LARS2: variants seen among roughly 807,000 people sequenced by gnomAD.
LARS2 encodes the protein leucyl-tRNA synthetase 2, mitochondrial, also known as leucine--tRNA ligase, mitochondrial.
Under a neutral mutation model 116.6 loss-of-function variants are expected in LARS2, and 81 were observed. The observed-to-expected ratio is 0.69, with a 90% CI of 0.58 to 0.84. LARS2 has a LOEUF of 0.84. LARS2 is among the 40% of genes least tolerant of loss of function. The probability of loss-of-function intolerance (pLI) is 0.00; values close to 1 mark genes in which losing one functional copy is unlikely to be tolerated. For synonymous variants in LARS2, 396 were observed against 407.2 expected (o/e 0.97, Z 0.33); for missense variants, 968 against 1,114.5 (o/e 0.87, Z 1.87).
chr3:45,405,531 CAGTGACA>C (rs1698220930), intron 4 of LARS2, among the ~76,000 whole-genome samples: 1 of 152,166 alleles, frequency 6.6e-6, no homozygotes. Context: ...TCACATATCT[CAGTGACA>C]AAATCCTTGG....
intron 10 of LARS2, among the ~76,000 whole-genome samples, chr3:45,484,614 A>AT (rs1326371523): frequency 7.1e-5 from 1 of 14,010 alleles, no homozygotes; most frequent in Non-Finnish European, 2.6e-4. Flanking sequence ...AAAAAAAAAA[A>AT]AAAAAAAAAA....
rs367683670 is a variant in LARS2, at chr3:45,521,776, T to G, written c.2292+1480T>G. Among the ~76,000 whole-genome samples, 7 of 152,268 alleles carry G rather than the reference T, an allele frequency of 4.6e-5. No homozygotes were observed. The South Asian group carries it at 1.0e-3, about 23-fold the overall frequency. ...TGCTTTTGTTTTTGTTTTTGTTTTT[T>G]TTTAAATACCTGTCAAATTTGCTGA... is the stretch of plus-strand genomic sequence containing the variant. On this transcript the variant is annotated intron_variant, in intron 19 of 21. Transcript: ENST00000645846.
rs79327537 is a variant in LARS2 at position 45,480,129 on chromosome 3, A to G, written c.1018+3502A>G. ...TGGGGTAATGGTTTGGTTTTCCATC[A>G]AACTGTTTCAAGTAGAATTCTTTGA... On this transcript the variant is annotated intron_variant, in intron 10 of 21. Transcript: ENST00000645846. 6.4e-3 allele frequency among the ~76,000 whole-genome samples: 980 copies of G among 152,356 alleles called. 8 individuals are homozygous for G. Among genetic ancestry groups the G allele is most frequent in the African/African-American group, 0.022 (931 of 41,576 alleles).
intron 20 of LARS2, among the ~76,000 whole-genome samples, chr3:45,541,249 C>T (rs544193555): frequency 4.6e-5 from 7 of 152,174 alleles, no homozygotes; most frequent in African/African-American, 7.2e-5. Flanking sequence ...AGTGTTTCCT[C>T]GTGTTTGGCC....
In LARS2 at chr3:45,394,555, C is replaced by T. The variant is rs1020076031; in HGVS notation, c.102C>T (p.Pro34=). ...DVIKWERRVI[P]GCTRSIYSAT... is the part of the protein sequence containing the mutation. ...TCAAGTGGGAAAGGAGAGTAATTCC[C>T]GGATGTACCAGAAGCATCTACAGTG... Residue 34 remains proline, a synonymous_variant, in exon 3 of 22, where the codon CCC becomes CCT. Transcript: ENST00000645846. 2.2e-5 allele frequency: 35 copies of T among 1,613,856 alleles called. No homozygotes were observed. The highest frequency in any genetic ancestry group is 1.6e-4 in the Middle Eastern group (1 of 6,082).
chr3:45,450,807 C>T (rs10865938), intron 7 of LARS2, among the ~76,000 whole-genome samples: 133,375 of 152,228 alleles, frequency 0.88, 60,947 homozygotes, highest in East Asian at 1. Context: ...CTGTTTTTCA[C>T]ACAGTGTATG....
At chr3:45,496,817 C>G (rs1449999585) in intron 14 of LARS2, among the ~76,000 whole-genome samples, 1 of 152,218 alleles carries the variant, frequency 6.6e-6, no homozygotes, top group African/African-American at 2.4e-5. Flanking sequence ...CAACTGTGCA[C>G]CTCGGAACAG....
intron 6 of LARS2, among the ~76,000 whole-genome samples, chr3:45,439,091 C>T (rs763031180): frequency 2.0e-5 from 3 of 152,056 alleles, no homozygotes; most frequent in African/African-American, 4.8e-5. Flanking sequence ...CTTCCTCCTC[C>T]CTTGAAGCCC....
chr3:45,419,653 T>C lies in LARS2; in HGVS notation c.456-16T>C, dbSNP rs1295035278. ...CCCCTCTCTAAAAACCAAACCTTTT[T>C]CCCATTGTTTCACAGTAATATTAAA... On this transcript the variant is annotated splice_polypyrimidine_tract_variant and intron_variant, in intron 5 of 21. Coordinates refer to ENST00000645846, the MANE Select transcript of LARS2 (RefSeq NM_015340.4). 15 of 1,609,988 alleles carry C rather than the reference T, an allele frequency of 9.3e-6. No individual in the cohort carries two copies. The highest frequency in any genetic ancestry group is 1.3e-5 in the Non-Finnish European group (15 of 1,176,436).
At chr3:45,537,102 T>C (rs1440043024) in intron 20 of LARS2, among the ~76,000 whole-genome samples, 3 of 152,120 alleles carry the variant, frequency 2.0e-5, no homozygotes, top group Non-Finnish European at 2.9e-5. Context: ...GTCCAAAATA[T>C]GTTATTTAAA....
At chr3:45,415,862 T>A (rs59577164) in intron 4 of LARS2, among the ~76,000 whole-genome samples, 783 of 64,700 alleles carry the variant, frequency 0.012, 18 homozygotes, top group South Asian at 0.017. Flanking sequence ...AAAAAAAAAA[T>A]ATATATATAT....
chr3:45,421,043 TTAAC>T (rs1244872290), intron 6 of LARS2: 2 of 152,222 alleles, frequency 1.3e-5, no homozygotes, highest in African/African-American at 2.4e-5. Context: ...TTATATCTCA[TTAAC>T]TATTTGAAAA....
chr3:45,421,621 G>C (rs1436466305), intron 6 of LARS2: 1 of 152,138 alleles, frequency 6.6e-6, no homozygotes, highest in East Asian at 1.9e-4. Context: ...AAGTGGCAAG[G>C]CTGGGCTGAT....
In LARS2 at chr3:45,500,586, A is replaced by G. The variant is rs1700101731; in HGVS notation, c.1760+7A>G. The G allele has an allele frequency of 6.5e-7, 1 of 1,544,214 alleles. No individual in the cohort carries two copies. The highest frequency in any genetic ancestry group is 8.7e-7 in the Non-Finnish European group (1 of 1,153,186). On this transcript the variant is annotated splice_region_variant and intron_variant, in intron 15 of 21. Transcript: ENST00000645846. ...AAAAAATGGTTAAACATAGGTAAGC[A>G]CTTATACTGCTTTGCAAAATAATTG...
At chr3:45,404,853 C>T (rs1416819605) in intron 4 of LARS2, among the ~76,000 whole-genome samples, 3 of 152,182 alleles carry the variant, frequency 2.0e-5, no homozygotes, top group African/African-American at 7.2e-5. Flanking sequence ...TCTCAAAGTG[C>T]TGGGATTACA....
chr3:45,536,667 C>T (rs1042375707), intron 20 of LARS2, among the ~76,000 whole-genome samples: 6 of 152,316 alleles, frequency 3.9e-5, no homozygotes, highest in Non-Finnish European at 8.8e-5. Flanking sequence ...TTCCAGTGTG[C>T]CTCTCTGGGC....
At chr3:45,479,180 C>A (rs934796522) in intron 10 of LARS2, among the ~76,000 whole-genome samples, 1 of 152,170 alleles carries the variant, frequency 6.6e-6, no homozygotes, top group African/African-American at 2.4e-5. Flanking sequence ...GACCAAGATT[C>A]TGGTCCTAGA....
rs1461276680 is a variant in LARS2 at position 45,478,639 on chromosome 3, G to C, written c.1018+2012G>C. ...CCAAGTGTAATGTTCCATTTGAAGG[G>C]CTCATTAGTTACTTTCTCCCCTCTT... On this transcript the variant is annotated intron_variant, in intron 10 of 21. Coordinates refer to ENST00000645846, the MANE Select transcript of LARS2 (RefSeq NM_015340.4). Among the ~76,000 whole-genome samples the C allele has an allele frequency of 3.3e-5, 5 of 152,106 alleles. No individual in the cohort carries two copies. In the East Asian group the frequency reaches 9.6e-4, roughly 29 times the overall value.
intron 9 of LARS2, 55 bp downstream of exon 9, chr3:45,474,405 T>G: frequency 8.5e-7 from 1 of 1,170,166 alleles, no homozygotes; most frequent in African/African-American, 1.5e-5. Context: ...CCTCTACATT[T>G]GGGACTCACT....
Sources: allele counts gnomAD v4.1 joint callset (sites outside exome capture counted in the v4.1 genomes callset), GRCh38; gene constraint gnomAD v4.1.1; transcripts MANE v1.5; gene names NCBI Gene and HGNC (gene_info 2026-07-23, HGNC 2026-07-21).